Variants in RGS7BP observed in about 807,000 individuals in gnomAD.
The protein encoded by RGS7BP is regulator of G protein signaling 7 binding protein, also known as regulator of G protein signaling 7-binding protein.
RGS7BP carries 9 observed loss-of-function variants against 31.3 expected under a neutral mutation model. The observed-to-expected ratio is 0.29, with a 90% CI of 0.17 to 0.50. The LOEUF (loss-of-function observed/expected upper bound fraction) is 0.50, where lower values mean the gene tolerates loss of function less well. Among genes scored for constraint, RGS7BP ranks in the 20% least tolerant of loss-of-function variants. RGS7BP has a pLI of 0.98. For synonymous variants in RGS7BP, 115 were observed against 120.1 expected, an observed-to-expected ratio of 0.96 and a Z score of 0.28; for missense variants, 274 against 322.0, an observed-to-expected ratio of 0.85 and a Z score of 1.14.
intron 2 of RGS7BP, among the ~76,000 whole-genome samples, chr5:64,572,264 T>A (rs1408983051): frequency 1.3e-5 from 2 of 152,194 alleles, no homozygotes; most frequent in Non-Finnish European, 2.9e-5. Context: ...TCATTCTCCA[T>A]GTTTCAGCTC....
chr5:64,517,869 A>C (rs1749014191), intron 2 of RGS7BP, among the ~76,000 whole-genome samples: 1 of 152,218 alleles, frequency 6.6e-6, no homozygotes, highest in South Asian at 2.1e-4. Context: ...CACTCAAGAA[A>C]TTAATGTTTT....
At chr5:64,580,070 G>A (rs759346427) in intron 3 of RGS7BP, among the ~76,000 whole-genome samples, 5 of 152,154 alleles carry the variant, frequency 3.3e-5, no homozygotes, top group Non-Finnish European at 7.4e-5. Context: ...GTGGTTAAAA[G>A]AATAAGAATA....
intron 2 of RGS7BP, among the ~76,000 whole-genome samples, chr5:64,571,087 C>G (rs1443230234): frequency 6.6e-6 from 1 of 152,074 alleles, no homozygotes; most frequent in African/African-American, 2.4e-5. Context: ...TTCACTTATG[C>G]CCCTTCTCAG....
At chr5:64,600,352 T>C (rs1743186005) in intron 5 of RGS7BP, among the ~76,000 whole-genome samples, 1 of 152,208 alleles carries the variant, frequency 6.6e-6, no homozygotes, top group Admixed American at 6.5e-5. Flanking sequence ...TAGTGATCAT[T>C]CATCCAGCAG....
intron 2 of RGS7BP, among the ~76,000 whole-genome samples, chr5:64,569,067 T>C (rs1315307170): frequency 6.6e-6 from 1 of 152,166 alleles, no homozygotes; most frequent in Non-Finnish European, 1.5e-5. Context: ...GAAAATTCCA[T>C]TGCACTTCAG....
intron 3 of RGS7BP, among the ~76,000 whole-genome samples, chr5:64,585,477 G>A (rs1392891801): frequency 6.6e-6 from 1 of 151,834 alleles, no homozygotes; most frequent in Non-Finnish European, 1.5e-5. Flanking sequence ...AAACACGAGT[G>A]GAGGAGAAAG....
At chr5:64,516,617 G>T (rs1456975915) in intron 2 of RGS7BP, among the ~76,000 whole-genome samples, 1 of 152,186 alleles carries the variant, frequency 6.6e-6, no homozygotes, top group South Asian at 2.1e-4. Flanking sequence ...TTTGAAACTA[G>T]ATTTCCTGTA....
rs540020953 is a variant in RGS7BP, at chr5:64,506,966, C to T, written c.165+177C>T. On this transcript the variant is annotated intron_variant, in intron 1 of 5. Coordinates refer to ENST00000334025, the MANE Select transcript of RGS7BP (RefSeq NM_001029875.3). The surrounding 1 kb of genome is among the most constrained non-coding windows in gnomAD (Gnocchi z 4.6). ...GCAGTCCCCCAAATTCAGGGTGACA[C>T]CCTGGTCGTAATAACCCTGCAGAAA... 1.3e-5 allele frequency among the ~76,000 whole-genome samples: 2 copies of T among 152,244 alleles called. No homozygotes were observed. Among genetic ancestry groups the T allele is most frequent in the African/African-American group, 4.8e-5 (2 of 41,562 alleles).
At chr5:64,600,530 G>C (rs895269417) in intron 5 of RGS7BP, among the ~76,000 whole-genome samples, 2 of 151,976 alleles carry the variant, frequency 1.3e-5, no homozygotes, top group African/African-American at 4.8e-5. Flanking sequence ...AATAATCAAA[G>C]GTTGATACTG....
chr5:64,580,938 G>T (rs1402630752), intron 3 of RGS7BP, among the ~76,000 whole-genome samples: 1 of 152,192 alleles, frequency 6.6e-6, no homozygotes, highest in Non-Finnish European at 1.5e-5. Context: ...TGGAGGCCAG[G>T]TGTGGTGGAT....
At chr5:64,553,255 C>T (rs1741840939) in intron 2 of RGS7BP, among the ~76,000 whole-genome samples, 1 of 149,892 alleles carries the variant, frequency 6.7e-6, no homozygotes, top group Admixed American at 6.7e-5. Flanking sequence ...TCACTGCAAC[C>T]TCTGTCTCTC....
At chr5:64,605,130 T>A (rs1743321047) in intron 5 of RGS7BP, among the ~76,000 whole-genome samples, 1 of 152,136 alleles carries the variant, frequency 6.6e-6, no homozygotes, top group African/African-American at 2.4e-5. Flanking sequence ...TCCTGTGCTT[T>A]ACTTACTCTG....
chr5:64,511,292 G>C (rs552395249), intron 2 of RGS7BP, among the ~76,000 whole-genome samples: 1 of 152,362 alleles, frequency 6.6e-6, no homozygotes, highest in Admixed American at 6.5e-5. Flanking sequence ...TTCAGGCACA[G>C]CCTTTTCTTT....
intron 2 of RGS7BP, among the ~76,000 whole-genome samples, chr5:64,556,213 T>G (rs1217996151): frequency 6.6e-6 from 1 of 152,038 alleles, no homozygotes; most frequent in Non-Finnish European, 1.5e-5. Context: ...TATATCTCAC[T>G]GAATTAAATT....
chr5:64,513,598 T>TA (rs1748895148), intron 2 of RGS7BP, among the ~76,000 whole-genome samples: 1 of 152,210 alleles, frequency 6.6e-6, no homozygotes, highest in African/African-American at 2.4e-5. Flanking sequence ...AGCAACGATG[T>TA]ATGGTGATAA....
intron 2 of RGS7BP, among the ~76,000 whole-genome samples, chr5:64,572,484 T>A (rs1742322192): frequency 6.6e-6 from 1 of 152,202 alleles, no homozygotes; most frequent in Non-Finnish European, 1.5e-5. Flanking sequence ...TAACTTAGTC[T>A]AGGCATCATG....
At chr5:64,546,240 A>G (rs1297116161) in intron 2 of RGS7BP, among the ~76,000 whole-genome samples, 1 of 152,160 alleles carries the variant, frequency 6.6e-6, no homozygotes, top group Admixed American at 6.5e-5. Context: ...TTAGCTGGGA[A>G]TGGATGAGGT....
At chr5:64,578,591 TAAATA>T (rs995180895) in intron 3 of RGS7BP, among the ~76,000 whole-genome samples, 7 of 152,144 alleles carry the variant, frequency 4.6e-5, no homozygotes, top group Non-Finnish European at 8.8e-5. Context: ...ACCCTCCGTA[TAAATA>T]AAAGGAAAAA....
At chr5:64,570,813 T>C (rs1742285145) in intron 2 of RGS7BP, among the ~76,000 whole-genome samples, 1 of 152,176 alleles carries the variant, frequency 6.6e-6, no homozygotes, top group Non-Finnish European at 1.5e-5. Flanking sequence ...CTTTATTACA[T>C]ATCTACCTGT....
Sources: gnomAD v4.1 joint callset for allele counts (sites outside exome capture counted in the v4.1 genomes callset) on GRCh38, gnomAD v4.1.1 for gene constraint, Gnocchi (gnomAD v3.1) non-coding constraint, MANE v1.5 for transcripts, NCBI Gene and HGNC (gene_info 2026-07-23, HGNC 2026-07-21) for gene names.